The following MIPOL1 variants were observed in gnomAD, a reference collection of about 807,000 sequenced individuals.
The protein encoded by MIPOL1 is mirror-image polydactyly 1, also known as mirror-image polydactyly gene 1 protein.
In MIPOL1, 57 loss-of-function variants were observed where a neutral mutation model predicts 60.9. The observed-to-expected ratio is 0.94, with a 90% CI of 0.76 to 1.17. The LOEUF is 1.17. Ranked by LOEUF, MIPOL1 falls within the 50% of genes most tolerant of loss-of-function variation. MIPOL1 has a pLI of 0.00. For synonymous variants in MIPOL1, 179 were observed against 168.8 expected (o/e 1.06, Z -0.47); for missense variants, 551 against 511.6 (o/e 1.08, Z -0.74).
At chr14:37,391,483 C>T (rs887623662) in intron 10 of MIPOL1, among the ~76,000 whole-genome samples, 2 of 151,840 alleles carry the variant, frequency 1.3e-5, no homozygotes, top group Non-Finnish European at 2.9e-5. Flanking sequence ...GCAACCTCCA[C>T]CTTTCAAGTT....
At chr14:37,311,591 T>C (rs2087327859) in intron 9 of MIPOL1, among the ~76,000 whole-genome samples, 1 of 152,232 alleles carries the variant, frequency 6.6e-6, no homozygotes, top group Non-Finnish European at 1.5e-5. Context: ...CACTTTTGAA[T>C]TATTGTCTTA....
At chr14:37,268,615 A>G in intron 4 of MIPOL1, 43 bp from the exon 5 acceptor site, 2 of 1,464,304 alleles carry the variant, frequency 1.4e-6, no homozygotes, top group Non-Finnish European at 1.8e-6. Flanking sequence ...TCAAAAAATT[A>G]GTTTATCTTA....
At chr14:37,336,403 T>G (rs2090122400) in intron 9 of MIPOL1, among the ~76,000 whole-genome samples, 1 of 149,610 alleles carries the variant, frequency 6.7e-6, no homozygotes, top group South Asian at 2.1e-4. Flanking sequence ...TTATTATTAT[T>G]ATATAATGCC....
chr14:37,380,452 T>C (rs925159798), intron 10 of MIPOL1, among the ~76,000 whole-genome samples: 1 of 152,138 alleles, frequency 6.6e-6, no homozygotes, highest in Non-Finnish European at 1.5e-5. Context: ...CCATGGATTA[T>C]AACACCAGGT....
intron 1 of MIPOL1, among the ~76,000 whole-genome samples, chr14:37,200,844 C>G (rs1055085952): frequency 2.5e-5 from 3 of 119,142 alleles, no homozygotes; most frequent in Non-Finnish European, 3.4e-5. Flanking sequence ...AATACTATAT[C>G]TATCTATGTG....
intron 11 of MIPOL1, among the ~76,000 whole-genome samples, chr14:37,445,929 G>A (rs998848727): frequency 6.6e-6 from 1 of 152,040 alleles, no homozygotes; most frequent in African/African-American, 2.4e-5. Flanking sequence ...AATTCAAGAT[G>A]GATTAAAGAC....
At chr14:37,429,333 T>C (rs1364762018) in intron 11 of MIPOL1, among the ~76,000 whole-genome samples, 1 of 152,176 alleles carries the variant, frequency 6.6e-6, no homozygotes, top group Non-Finnish European at 1.5e-5. Context: ...TAGACCTTGT[T>C]GTTTGGAGCC....
At chr14:37,523,762 CAT>C (rs1264544137) in intron 12 of MIPOL1, among the ~76,000 whole-genome samples, 2 of 152,018 alleles carry the variant, frequency 1.3e-5, no homozygotes, top group Non-Finnish European at 2.9e-5. Flanking sequence ...TCAGGAGAGA[CAT>C]ATTAAAATAT....
chr14:37,440,365 C>G (rs2094222524), intron 11 of MIPOL1, among the ~76,000 whole-genome samples: 1 of 152,088 alleles, frequency 6.6e-6, no homozygotes, highest in South Asian at 2.1e-4. Flanking sequence ...TTTAGGGTAT[C>G]CATCACCTGA....
chr14:37,237,589 C>T (rs1345591471), intron 1 of MIPOL1, among the ~76,000 whole-genome samples: 1 of 152,080 alleles, frequency 6.6e-6, no homozygotes, highest in Non-Finnish European at 1.5e-5. Context: ...CTAACATCTC[C>T]CCCTTTGACT....
intron 11 of MIPOL1, among the ~76,000 whole-genome samples, chr14:37,470,671 C>A (rs562075674): frequency 6.6e-6 from 1 of 151,886 alleles, no homozygotes; most frequent in Non-Finnish European, 1.5e-5. Flanking sequence ...TTTATAGTAA[C>A]GTGATAACAG....
At chr14:37,464,181 A>G (rs980590338) in intron 11 of MIPOL1, among the ~76,000 whole-genome samples, 2 of 152,338 alleles carry the variant, frequency 1.3e-5, no homozygotes, top group African/African-American at 2.4e-5. Context: ...TACAACCTCT[A>G]TGGAAAACAG....
chr14:37,296,802 G>A (rs2085753596), intron 7 of MIPOL1, among the ~76,000 whole-genome samples: 2 of 152,142 alleles, frequency 1.3e-5, no homozygotes, highest in Non-Finnish European at 2.9e-5. Flanking sequence ...CTGAAATTGA[G>A]GCAATAATTA....
At chr14:37,342,467 G>A (rs138349542) in intron 9 of MIPOL1, among the ~76,000 whole-genome samples, 3 of 150,752 alleles carry the variant, frequency 2.0e-5, no homozygotes, top group Admixed American at 6.6e-5. Flanking sequence ...GTGCGATCTC[G>A]GCTCACTGCA....
intron 9 of MIPOL1, among the ~76,000 whole-genome samples, chr14:37,314,343 C>T (rs910188142): frequency 6.6e-5 from 10 of 152,132 alleles, no homozygotes; most frequent in African/African-American, 2.4e-4. Flanking sequence ...GATTCCTTTA[C>T]CAATATAGGC....
intron 7 of MIPOL1, among the ~76,000 whole-genome samples, chr14:37,285,736 C>T (rs570366315): frequency 3.9e-5 from 6 of 151,946 alleles, no homozygotes; most frequent in South Asian, 4.2e-4. Context: ...GGACTACAGG[C>T]GCCTGCCACC....
intron 11 of MIPOL1, among the ~76,000 whole-genome samples, chr14:37,495,519 C>A (rs1042519156): frequency 1.3e-5 from 2 of 149,742 alleles, no homozygotes; most frequent in Non-Finnish European, 3.0e-5. Flanking sequence ...TTTTCTTAAT[C>A]CAGTCTATCA....
At chr14:37,239,273 C>T (rs1971993574) in intron 1 of MIPOL1, among the ~76,000 whole-genome samples, 1 of 151,908 alleles carries the variant, frequency 6.6e-6, no homozygotes, top group African/African-American at 2.4e-5. Context: ...TCTCGATCTC[C>T]TGACCTTGTG....
At chr14:37,309,379 A>T (rs1289044001) in intron 9 of MIPOL1, among the ~76,000 whole-genome samples, 1 of 152,026 alleles carries the variant, frequency 6.6e-6, no homozygotes, top group East Asian at 1.9e-4. Flanking sequence ...AGTCGTGTAC[A>T]CACTTCTATG....
Sources: gnomAD v4.1 joint callset for allele counts (sites outside exome capture counted in the v4.1 genomes callset) on GRCh38, gnomAD v4.1.1 for gene constraint, MANE v1.5 for transcripts, NCBI Gene and HGNC (gene_info 2026-07-23, HGNC 2026-07-21) for gene names.